ACOX3: variants seen among roughly 807,000 people sequenced by gnomAD.
ACOX3 encodes the protein peroxisomal acyl-coenzyme A oxidase 3.
A neutral mutation model predicts 81.5 loss-of-function variants in ACOX3; 73 were observed. The ratio of observed to expected loss-of-function variants is 0.90; its 90% confidence interval spans 0.74 to 1.09. The LOEUF is 1.09. Ranked by LOEUF, ACOX3 falls within the 50% of genes least tolerant of loss-of-function variation. The pLI is 0.00. For missense variants in ACOX3, 947 were observed against 928.0 expected (o/e 1.02, Z -0.27); for synonymous variants, 387 against 375.1 (o/e 1.03, Z -0.37).
rs1343199801 is a variant in ACOX3 at position 8,374,706 on chromosome 4, C to A, written c.1828+272G>T. 4 of 361,572 alleles carry A rather than the reference C, an allele frequency of 1.1e-5. No individual in the cohort carries two copies. The South Asian group carries it at 3.1e-4, about 28-fold the overall frequency. The allele number at this position is 361,572 out of a possible 1,614,324, so 22.4% of individuals were successfully genotyped here. On this transcript the variant is annotated intron_variant, in intron 15 of 17. Coordinates refer to ENST00000356406, the MANE Select transcript of ACOX3 (RefSeq NM_003501.3). ...GGCTTCTGCTCTCTGCAGAGCCCGGCAGGCTGCCTGGCATGAGGGGGCCTT... is the reference window on the plus strand; with the variant it reads ...GGCTTCTGCTCTCTGCAGAGCCCGGAAGGCTGCCTGGCATGAGGGGGCCTT...
chr4:8,374,844 C>G (rs560517027), intron 15 of ACOX3, 134 bp downstream of exon 15: 2 of 983,506 alleles, frequency 2.0e-6, no homozygotes, highest in Admixed American at 6.2e-5. Context: ...GGCTTCTCAT[C>G]TGTCCACAGC....
rs187319861 is a variant in ACOX3, at chr4:8,383,309, G to A, written c.1538-1702C>T. Among the ~76,000 whole-genome samples, 357 of 152,348 alleles carry A rather than the reference G, an allele frequency of 2.3e-3. 5 individuals are homozygous for A. The highest frequency in any genetic ancestry group is 7.5e-3 in the African/African-American group (310 of 41,586). The stretch of plus-strand genomic sequence containing the variant: ...CGCCAAGTCCTGCCAGGCATGGGGC[G>A]CTGAATGGTGGCCCCAACTGACCCC... On this transcript the variant is annotated intron_variant, in intron 13 of 17. Coordinates refer to ENST00000356406, the MANE Select transcript of ACOX3 (RefSeq NM_003501.3).
intron 5 of ACOX3, among the ~76,000 whole-genome samples, chr4:8,410,942 G>A (rs9985915): frequency 0.019 from 2,939 of 152,338 alleles, 104 homozygotes; most frequent in African/African-American, 0.067. Context: ...CACAGCGTTC[G>A]GTGTTTGGCT....
At chr4:8,358,535 G>T in the ACOX3 span, among the ~76,000 whole-genome samples, 3 of 152,210 alleles carry the variant, frequency 2.0e-5, no homozygotes, top group Non-Finnish European at 4.4e-5. Context: ...CTACTGGGCT[G>T]CATTCCCCGA....
Position 8,405,804 on chromosome 4 carries a change from A to T in ACOX3, c.776+151T>A. The stretch of plus-strand genomic sequence containing the variant: ...AGTTCAAGCAGGACGTGGCCAGTGC[A>T]TGCACGGGGGCTAGGCGTAGGTCCC... On this transcript the variant is annotated intron_variant, in intron 7 of 17. Transcript: ENST00000356406. This position sits in a 1 kb window ranked among gnomAD's most constrained non-coding sequence, Gnocchi z 7.1. 1.3e-6 allele frequency: 1 copy of T among 791,422 alleles called. No individual in the cohort carries two copies. Among genetic ancestry groups the T allele is most frequent in the South Asian group, 1.6e-5 (1 of 63,858 alleles). The allele number at this position is 791,422 out of a possible 1,614,324, so 49.0% of individuals were successfully genotyped here.
At chr4:8,372,096 GT>G (rs2108790464) in intron 16 of ACOX3, among the ~76,000 whole-genome samples, 1 of 152,308 alleles carries the variant, frequency 6.6e-6, no homozygotes, top group Admixed American at 6.5e-5. Context: ...TGGGAAATCA[GT>G]TGTGGCTGTC....
At chr4:8,425,654 A>G (rs1453024527) in intron 1 of ACOX3, among the ~76,000 whole-genome samples, 1 of 149,658 alleles carries the variant, frequency 6.7e-6, no homozygotes, top group Non-Finnish European at 1.5e-5. Context: ...TGGCAACTAG[A>G]TTTTACCCAC....
chr4:8,357,686 C>G, the ACOX3 span: 1 of 262,342 alleles, frequency 3.8e-6, no homozygotes, highest in Non-Finnish European at 7.4e-6. Flanking sequence ...ACACCTCAAC[C>G]TACTCCACTC....
rs1003593160 is a variant in ACOX3, at chr4:8,387,954, G to A, written c.1537+1219C>T. 2.6e-5 allele frequency among the ~76,000 whole-genome samples: 4 copies of A among 152,322 alleles called. No homozygotes were observed. In the East Asian group the frequency reaches 5.8e-4, roughly 22 times the overall value. On this transcript the variant is annotated intron_variant, in intron 13 of 17. Transcript: ENST00000356406. ...CCATTTCCACAGAGCAGCCAGAGTG[G>A]CCTTTTCCCATGAGGAACATTTTTA...
At chr4:8,378,700 A>G (rs1159420610) in intron 14 of ACOX3, among the ~76,000 whole-genome samples, 1 of 152,226 alleles carries the variant, frequency 6.6e-6, no homozygotes, top group African/African-American at 2.4e-5. Flanking sequence ...TAAAGGTGTC[A>G]CTCAGCCAAA....
chr4:8,381,066 A>C lies in ACOX3; in HGVS notation c.1653+426T>G, dbSNP rs940141628. On this transcript the variant is annotated intron_variant, in intron 14 of 17. Transcript: ENST00000356406. The surrounding 1 kb of genome is among the most constrained non-coding windows in gnomAD (Gnocchi z 4.3). ...CGCTTTCCAAGGCCAACGATGACCC[A>C]CTCACCATTGCCACCCCAGCCCCTC... Among the ~76,000 whole-genome samples, 13 of 152,186 alleles carry C rather than the reference A, an allele frequency of 8.5e-5. No homozygotes were observed. The South Asian group carries it at 2.7e-3, about 32-fold the overall frequency.
At chr4:8,393,105 A>T (rs1242570066) in intron 10 of ACOX3, 3 of 151,042 alleles carry the variant, frequency 2.0e-5, no homozygotes, top group Non-Finnish European at 2.9e-5. Context: ...ACCGCCTGGG[A>T]ATAGCAGGTG....
In ACOX3 at chr4:8,385,081, C is replaced by T. The variant is rs968856099; in HGVS notation, c.1538-3474G>A. Reference sequence around the variant, plus strand: ...CCCCTGCCAGGTGGCATGGGGTGACCGCATTCCCTCCCCACTGTCTCGCAG... The same window carrying T: ...CCCCTGCCAGGTGGCATGGGGTGACTGCATTCCCTCCCCACTGTCTCGCAG... On this transcript the variant is annotated intron_variant, in intron 13 of 17. Coordinates refer to ENST00000356406, the MANE Select transcript of ACOX3 (RefSeq NM_003501.3). This position sits in a 1 kb window ranked among gnomAD's most constrained non-coding sequence, Gnocchi z 5.5. 1.4e-4 allele frequency among the ~76,000 whole-genome samples: 21 copies of T among 152,190 alleles called. No individual in the cohort carries two copies. Among genetic ancestry groups the T allele is most frequent in the South Asian group, 1.0e-3 (5 of 4,816 alleles).
rs151052280 is a variant in ACOX3 at position 8,434,006 on chromosome 4, T to C, written c.-15+6642A>G. Among the ~76,000 whole-genome samples, 516 of 152,114 alleles carry C rather than the reference T, an allele frequency of 3.4e-3. 6 individuals are homozygous for C. The highest frequency in any genetic ancestry group is 0.012 in the African/African-American group (503 of 41,492). On this transcript the variant is annotated intron_variant, in intron 1 of 17. Coordinates refer to ENST00000356406, the MANE Select transcript of ACOX3 (RefSeq NM_003501.3). ...TAGAAAGAAACAAAAGTAAGATAAA[T>C]AGCCAGACAACCTTGGCACCACCAC...
chr4:8,365,754 G>C (rs540537880), downstream of ACOX3, among the ~76,000 whole-genome samples: 1 of 152,210 alleles, frequency 6.6e-6, no homozygotes, highest in Non-Finnish European at 1.5e-5. Flanking sequence ...GATGTGGTGG[G>C]GGGGTGGTGT....
the ACOX3 span, chr4:8,355,389 G>A: frequency 6.6e-6 from 1 of 152,200 alleles, no homozygotes; most frequent in Non-Finnish European, 1.5e-5. Flanking sequence ...AACAACAGAA[G>A]CTGATGTGAG....
At chr4:8,361,915 C>T (rs1206625329), downstream of ACOX3, among the ~76,000 whole-genome samples, 4 of 152,080 alleles carry the variant, frequency 2.6e-5, no homozygotes, top group African/African-American at 9.7e-5. Flanking sequence ...GGTATATGTT[C>T]CAAAAGTATG....
chr4:8,370,759 G>A lies in ACOX3; in HGVS notation c.1983+149C>T. Reference sequence around the variant, plus strand: ...GGAAGCACCAGAGTGAGACAGTCCTGACTTGTCCCGGGCCCTCCCCAAGAA... The same window carrying A: ...GGAAGCACCAGAGTGAGACAGTCCTAACTTGTCCCGGGCCCTCCCCAAGAA... On this transcript the variant is annotated intron_variant, in intron 17 of 17. Coordinates refer to ENST00000356406, the MANE Select transcript of ACOX3 (RefSeq NM_003501.3). The surrounding 1 kb of genome is among the most constrained non-coding windows in gnomAD (Gnocchi z 6.3). 1.5e-6 allele frequency: 1 copy of A among 668,354 alleles called. No individual in the cohort carries two copies. The highest frequency in any genetic ancestry group is 2.6e-6 in the Non-Finnish European group (1 of 389,108). 41.4% of individuals were successfully genotyped at this position (668,354 alleles called of 1,614,324 possible).
At chr4:8,373,334 G>A (rs1327235043) in intron 16 of ACOX3, among the ~76,000 whole-genome samples, 1 of 152,158 alleles carries the variant, frequency 6.6e-6, no homozygotes, top group Admixed American at 6.5e-5. Flanking sequence ...GTCGGCTCAT[G>A]GGTGACGCTA....
Sources: allele counts gnomAD v4.1 joint callset (sites outside exome capture counted in the v4.1 genomes callset), GRCh38; gene constraint gnomAD v4.1.1; non-coding constraint Gnocchi (gnomAD v3.1); transcripts MANE v1.5; gene names NCBI Gene and HGNC (gene_info 2026-07-23, HGNC 2026-07-21).